The following BPIFB6 variants were observed in gnomAD, a reference collection of about 807,000 sequenced individuals.
BPIFB6 encodes the protein BPI fold containing family B member 6, also known as BPI fold-containing family B member 6.
In BPIFB6, 47 loss-of-function variants were observed where a neutral mutation model predicts 54.7. The ratio of observed to expected loss-of-function variants is 0.86; its 90% CI spans 0.68 to 1.10. The LOEUF (loss-of-function observed/expected upper bound fraction) is 1.10. Among genes scored for constraint, BPIFB6 ranks in the 50% least tolerant of loss-of-function variants. The pLI is 0.00. For missense variants in BPIFB6, 603 were observed against 564.1 expected (o/e 1.07, Z -0.70); for synonymous variants, 255 against 225.9 (o/e 1.13, Z -1.16).
Position 33,034,189 on chromosome 20 carries a change from G to T in BPIFB6, c.201G>T (p.Leu67Phe). ...GTGGCTGCCTGTCCCTTCCCAGTTT[G>T]AAGGTGAAGGATGTCCAGCTGCCCG... is the stretch of plus-strand genomic sequence containing the variant. ...GMKPIKGITN[L>F]KVKDVQLPVI... Residue 67 changes from leucine to phenylalanine, a missense_variant, in exon 3 of 15, where the codon TTG becomes TTT. By Grantham distance (22) the Leu-to-Phe change is conservative. Coordinates refer to ENST00000349552, the MANE Select transcript of BPIFB6 (RefSeq NM_174897.2). 1 of 1,612,252 alleles carries T rather than the reference G, an allele frequency of 6.2e-7. No individual in the cohort carries two copies. Among genetic ancestry groups the T allele is most frequent in the East Asian group, 2.2e-5 (1 of 44,866 alleles).
intron 13 of BPIFB6, 102 bp downstream of exon 13, chr20:33,042,980 G>A: frequency 9.6e-7 from 1 of 1,046,194 alleles, no homozygotes; most frequent in Non-Finnish European, 1.4e-6. Context: ...GGGCCCAGAT[G>A]GGGGAAGCTA....
In BPIFB6 at chr20:33,034,906, C is replaced by T. The variant is rs1479402079; in HGVS notation, c.446C>T (p.Pro149Leu). Residue 149 changes from proline to leucine, a missense_variant, in exon 4 of 15, where the codon CCT becomes CTT. Pro to Leu is a moderately conservative substitution (Grantham distance 98). Transcript: ENST00000349552. ...CTGGTCAATGTGAAGACTAACCTGC[C>T]TAGCAAGTGAGGGGCTCTGTGGCTG... ...VILVNVKTNL[P>L]SNMLPKMVNK... The T allele has an allele frequency of 6.2e-7, 1 of 1,609,094 alleles. No individual in the cohort carries two copies. Among genetic ancestry groups the T allele is most frequent in the Non-Finnish European group, 8.5e-7 (1 of 1,175,984 alleles).
chr20:33,032,377 T>C (rs552553071), intron 1 of BPIFB6, among the ~76,000 whole-genome samples: 4 of 152,226 alleles, frequency 2.6e-5, no homozygotes, highest in Non-Finnish European at 5.9e-5. Flanking sequence ...GGGTGTTACT[T>C]GGGGTTGGGT....
rs6059037 is a variant in BPIFB6 at position 33,040,265 on chromosome 20, G to A, written c.1089G>A (p.Lys363=). The A allele has an allele frequency of 6.2e-7, 1 of 1,614,106 alleles. No individual in the cohort carries two copies. Among genetic ancestry groups the A allele is most frequent in the Non-Finnish European group, 8.5e-7 (1 of 1,180,008 alleles). The change falls in exon 11 of 15, where the codon AAG becomes AAA. Residue 363 remains lysine (K), a synonymous_variant. Coordinates refer to ENST00000349552, the MANE Select transcript of BPIFB6 (RefSeq NM_174897.2). ...LFLLEVHFNL[K]VQYSVHENQL... ...CACCATGCCAGCACTTCAATCTGAAGGTCCAGTACTCAGTGCATGAGAACC... is the reference window on the plus strand; with the variant it reads ...CACCATGCCAGCACTTCAATCTGAAAGTCCAGTACTCAGTGCATGAGAACC...
In BPIFB6 at chr20:33,040,845, T is replaced by C. The variant is rs77703845; in HGVS notation, c.1142+527T>C. On this transcript the variant is annotated intron_variant, in intron 11 of 14. Coordinates refer to ENST00000349552, the MANE Select transcript of BPIFB6 (RefSeq NM_174897.2). ...AACATTCGGTCCCTATTAATTCTTG[T>C]ACTTGCCTTAATAATGAATCACATC... is the stretch of plus-strand genomic sequence containing the variant. Among the ~76,000 whole-genome samples, 999 of 152,362 alleles carry C rather than the reference T, an allele frequency of 6.6e-3. 13 individuals carry two copies. The highest frequency in any genetic ancestry group is 0.023 in the African/African-American group (959 of 41,580).
Position 33,042,024 on chromosome 20 carries a change from C to T in BPIFB6, c.1188+9C>T, listed in dbSNP as rs1236498990. On this transcript the variant is annotated intron_variant, in intron 12 of 14. Coordinates refer to ENST00000349552, the MANE Select transcript of BPIFB6 (RefSeq NM_174897.2). Reference sequence around the variant, plus strand: ...CGATTGGCAACTTCAATGTAAGTGTCCCAAGTGCTCTTGCCTGTCCGGCGT... The same window carrying T: ...CGATTGGCAACTTCAATGTAAGTGTTCCAAGTGCTCTTGCCTGTCCGGCGT... The T allele has an allele frequency of 1.2e-6, 2 of 1,613,192 alleles. No homozygotes were observed. Among genetic ancestry groups the T allele is most frequent in the African/African-American group, 2.7e-5 (2 of 74,896 alleles).
chr20:33,037,363 T>C (rs1979386773), intron 7 of BPIFB6, among the ~76,000 whole-genome samples, 199 bp from the exon 8 acceptor site: 1 of 152,174 alleles, frequency 6.6e-6, no homozygotes, highest in Non-Finnish European at 1.5e-5. Context: ...CTGACTCCCT[T>C]ATCCTCCCAG....
intron 11 of BPIFB6, 101 bp downstream of exon 11, chr20:33,040,419 C>A: frequency 9.2e-7 from 1 of 1,090,404 alleles, no homozygotes; most frequent in Non-Finnish European, 1.4e-6. Context: ...CCAGCACACC[C>A]CCAACTACCA....
chr20:33,035,146 T>G lies in BPIFB6; in HGVS notation c.516+2T>G. On this transcript the variant is annotated splice_donor_variant, in intron 5 of 14. Coordinates refer to ENST00000349552, the MANE Select transcript of BPIFB6 (RefSeq NM_174897.2). LOFTEE classifies it high-confidence loss of function. ...CTGCACAAAGTCCTCCCTGGGCTGG[T>G]GAGTGACCCAGAGAAAGCCTCCACC... The G allele has an allele frequency of 6.2e-7, 1 of 1,613,634 alleles. No individual in the cohort carries two copies. The highest frequency in any genetic ancestry group is 8.5e-7 in the Non-Finnish European group (1 of 1,179,956).
rs776532324 is a variant in BPIFB6, at chr20:33,040,258, A to T, written c.1082A>T (p.Asn361Ile). ...TCCTCCCCACCATGCCAGCACTTCAATCTGAAGGTCCAGTACTCAGTGCAT... is the reference window on the plus strand; with the variant it reads ...TCCTCCCCACCATGCCAGCACTTCATTCTGAAGGTCCAGTACTCAGTGCAT... ...MSLFLLEVHF[N>I]LKVQYSVHEN... Residue 361 changes from asparagine (N) to isoleucine (I), a missense_variant, in exon 11 of 15, where the codon AAT (asparagine) becomes ATT (isoleucine). Coordinates refer to ENST00000349552, the MANE Select transcript of BPIFB6 (RefSeq NM_174897.2). 5 of 1,613,980 alleles carry T rather than the reference A, an allele frequency of 3.1e-6. No individual in the cohort carries two copies. In the African/African-American group the frequency reaches 6.7e-5, roughly 22 times the overall value.
chr20:33,034,939 A>G (rs1979268454), intron 4 of BPIFB6, 27 bp downstream of exon 4: 1 of 1,605,306 alleles, frequency 6.2e-7, no homozygotes, highest in Non-Finnish European at 8.5e-7. Flanking sequence ...CTGGGGAGGA[A>G]GGCCGGTCCA....
At position 33,037,683 on chromosome 20, in the gene BPIFB6, C is replaced by T; in HGVS notation, c.791C>T (p.Ser264Phe). The T allele has an allele frequency of 6.2e-7, 1 of 1,614,126 alleles. No homozygotes were observed. Among genetic ancestry groups the T allele is most frequent in the Non-Finnish European group, 8.5e-7 (1 of 1,180,048 alleles). The stretch of plus-strand genomic sequence containing the variant: ...CTGCTGCTCCCAGCCACCTTCCTCT[C>T]TGCAGAGCTTGCCCTTCTGCAGAAG... ...SQLLLPATFLSAELALLQKSF... is the reference protein window; with the variant it reads ...SQLLLPATFLFAELALLQKSF... Residue 264 changes from serine (S) to phenylalanine (F), a missense_variant, in exon 8 of 15, where the codon TCT becomes TTT. Physicochemically the swap from Ser to Phe is radical, Grantham distance 155. Coordinates refer to ENST00000349552, the MANE Select transcript of BPIFB6 (RefSeq NM_174897.2).
intron 14 of BPIFB6, 132 bp downstream of exon 14, chr20:33,043,499 C>A (rs1490915788): frequency 2.3e-5 from 18 of 782,920 alleles, no homozygotes; most frequent in South Asian, 1.4e-4. Flanking sequence ...ATAATCCTGC[C>A]CCTCAGAATC....
intron 2 of BPIFB6, among the ~76,000 whole-genome samples, chr20:33,033,828 A>C (rs1979207269): frequency 6.6e-6 from 1 of 152,164 alleles, no homozygotes; most frequent in Non-Finnish European, 1.5e-5. Flanking sequence ...ATGACAAAGA[A>C]TTATCCTGCC....
At position 33,034,849 on chromosome 20, in the gene BPIFB6, CCGTGTTCAAGAGTGAGGGCTGT is replaced by C; in HGVS notation, c.390_411del (p.Val131ArgfsTer7). On this transcript the variant is annotated frameshift_variant, in exon 4 of 15. Transcript: ENST00000349552. LOFTEE classifies it high-confidence loss of function. Reference sequence around the variant, plus strand: ...CTGCGGGATGAGGAGACAGGCCTCCCCGTGTTCAAGAGTGAGGGCTGTGAGGTCATCCTGGTCAATGTGAAGA... The same window carrying C: ...CTGCGGGATGAGGAGACAGGCCTCCCGAGGTCATCCTGGTCAATGTGAAGA... 1.2e-6 allele frequency: 2 copies of C among 1,613,830 alleles called. No homozygotes were observed.
chr20:33,036,862 G>T (rs1225330633), intron 7 of BPIFB6, among the ~76,000 whole-genome samples: 1 of 152,190 alleles, frequency 6.6e-6, no homozygotes, highest in Admixed American at 6.5e-5. Flanking sequence ...ACAGGCAGGA[G>T]CAGTGACCTA....
In BPIFB6 at chr20:33,039,374, C is replaced by T; in HGVS notation, c.928C>T (p.Pro310Ser). ...EVAVAYPKSKPLTTQIKIKKP... is the reference protein window; with the variant it reads ...EVAVAYPKSKSLTTQIKIKKP... ...GGCTGTAGCTTATCCCAAGTCAAAG[C>T]CCTTGACGACCCAGATCAAGATAAA... Residue 310 changes from proline (P) to serine (S), a missense_variant, in exon 10 of 15, where the codon CCC (proline) becomes TCC (serine). Physicochemically the swap from Pro to Ser is moderately conservative, Grantham distance 74 (BLOSUM62 -1). Transcript: ENST00000349552. 6.2e-7 allele frequency: 1 copy of T among 1,613,282 alleles called. No individual in the cohort carries two copies. The highest frequency in any genetic ancestry group is 8.5e-7 in the Non-Finnish European group (1 of 1,179,756).
chr20:33,043,009 T>C, intron 13 of BPIFB6, 131 bp downstream of exon 13: 1 of 809,720 alleles, frequency 1.2e-6, no homozygotes. Context: ...TGGAAGATAA[T>C]TGCTGAATCT....
At chr20:33,036,312 G>A in intron 6 of BPIFB6, 133 bp from the exon 7 acceptor site, 5 of 706,304 alleles carry the variant, frequency 7.1e-6, no homozygotes, top group Non-Finnish European at 1.3e-5. Flanking sequence ...AAGTTACAGA[G>A]GCCCAGAAGT....
Sources: allele counts gnomAD v4.1 joint callset (sites outside exome capture counted in the v4.1 genomes callset), GRCh38; gene constraint gnomAD v4.1.1; transcripts MANE v1.5; gene names NCBI Gene and HGNC (gene_info 2026-07-23, HGNC 2026-07-21).